The following ARB2A variants were observed in gnomAD, a reference collection of about 807,000 sequenced individuals.
The protein encoded by ARB2A is cotranscriptional regulator ARB2A.
the ARB2A span, among the ~76,000 whole-genome samples, chr5:94,019,184 G>A: frequency 6.6e-6 from 1 of 152,158 alleles, no homozygotes; most frequent in African/African-American, 2.4e-5. Flanking sequence ...AGATTTAAAT[G>A]TAAGACCTAA....
At chr5:93,821,988 C>G in the ARB2A span, among the ~76,000 whole-genome samples, 1 of 151,810 alleles carries the variant, frequency 6.6e-6, no homozygotes, top group East Asian at 1.9e-4. Context: ...AAATAGACTT[C>G]TCAGCCCTGG....
the ARB2A span, among the ~76,000 whole-genome samples, chr5:93,998,896 A>G: frequency 6.6e-6 from 1 of 152,042 alleles, no homozygotes; most frequent in Non-Finnish European, 1.5e-5. Flanking sequence ...TGATCCAAGA[A>G]AAGAAAAAGA....
At chr5:93,894,581 A>T in the ARB2A span, among the ~76,000 whole-genome samples, 1 of 152,144 alleles carries the variant, frequency 6.6e-6, no homozygotes, top group African/African-American at 2.4e-5. Flanking sequence ...TCTATCCTTG[A>T]TCTCAGCAAA....
At chr5:93,621,230 C>A in the ARB2A span, 1 of 930,778 alleles carries the variant, frequency 1.1e-6, no homozygotes, top group African/African-American at 1.8e-5. Context: ...ACCACCCGGT[C>A]CCGCCCCTCC....
At chr5:93,841,470 G>C in the ARB2A span, among the ~76,000 whole-genome samples, 2 of 152,136 alleles carry the variant, frequency 1.3e-5, no homozygotes, top group African/African-American at 4.8e-5. Context: ...TTTTATATAA[G>C]TGACTTGAGC....
At chr5:93,658,123 A>G in the ARB2A span, among the ~76,000 whole-genome samples, 1 of 152,124 alleles carries the variant, frequency 6.6e-6, no homozygotes, top group Admixed American at 6.6e-5. Context: ...TACCAACTGT[A>G]CTATCAGCTT....
At chr5:93,714,607 C>T in the ARB2A span, among the ~76,000 whole-genome samples, 1 of 152,146 alleles carries the variant, frequency 6.6e-6, no homozygotes, top group Admixed American at 6.6e-5. Context: ...TAAGTTAATT[C>T]CACACAGGGT....
At chr5:93,999,603 T>TCC in the ARB2A span, among the ~76,000 whole-genome samples, 1 of 151,904 alleles carries the variant, frequency 6.6e-6, no homozygotes, top group African/African-American at 2.4e-5. Flanking sequence ...ATGAACAGCC[T>TCC]CCCTCATTAT....
the ARB2A span, among the ~76,000 whole-genome samples, chr5:93,853,903 A>C: frequency 6.6e-6 from 1 of 152,166 alleles, no homozygotes; most frequent in Non-Finnish European, 1.5e-5. Context: ...CATCAAGGAT[A>C]TTGGTCTAAA....
At chr5:93,698,359 C>T in the ARB2A span, among the ~76,000 whole-genome samples, 1 of 152,078 alleles carries the variant, frequency 6.6e-6, no homozygotes, top group Admixed American at 6.5e-5. Flanking sequence ...AGCTTACATT[C>T]TAGTGAGGAG....
chr5:93,816,566 A>G, the ARB2A span, among the ~76,000 whole-genome samples: 1 of 152,170 alleles, frequency 6.6e-6, no homozygotes, highest in African/African-American at 2.4e-5. Flanking sequence ...GCTACAAACA[A>G]TGCAGGGAAG....
the ARB2A span, among the ~76,000 whole-genome samples, chr5:93,722,588 C>T: frequency 2.0e-5 from 3 of 152,144 alleles, no homozygotes; most frequent in Admixed American, 1.3e-4. Context: ...AACAACATTA[C>T]ATATATTACT....
chr5:94,012,440 T>G, the ARB2A span, among the ~76,000 whole-genome samples: 1 of 152,210 alleles, frequency 6.6e-6, no homozygotes, highest in East Asian at 1.9e-4. Flanking sequence ...AAGGATAAAA[T>G]TAGCGATTGT....
chr5:94,054,368 C>A, the ARB2A span, among the ~76,000 whole-genome samples: 1 of 152,112 alleles, frequency 6.6e-6, no homozygotes, highest in African/African-American at 2.4e-5. Flanking sequence ...ATCTTCCCTT[C>A]TTTTCCATGA....
the ARB2A span, among the ~76,000 whole-genome samples, chr5:93,875,026 G>A: frequency 6.6e-6 from 1 of 152,086 alleles, no homozygotes; most frequent in African/African-American, 2.4e-5. Context: ...TATCAGGTTT[G>A]AGTTTTGCTA....
chr5:93,962,489 T>C, the ARB2A span, among the ~76,000 whole-genome samples: 1 of 152,126 alleles, frequency 6.6e-6, no homozygotes, highest in Admixed American at 6.6e-5. Flanking sequence ...AAAATGGTTC[T>C]TTTTCCCTTT....
the ARB2A span, among the ~76,000 whole-genome samples, chr5:94,093,792 G>T: frequency 6.6e-6 from 1 of 152,092 alleles, no homozygotes; most frequent in Non-Finnish European, 1.5e-5. Context: ...TAAGAACGAG[G>T]TATGATTCAC....
At chr5:93,865,797 T>A in the ARB2A span, 287 of 985,318 alleles carry the variant, frequency 2.9e-4, no homozygotes, top group Middle Eastern at 5.2e-4. Flanking sequence ...TAAATCAACA[T>A]TTATGGAGGA....
chr5:93,753,537 CCTT>C, the ARB2A span, among the ~76,000 whole-genome samples: 2 of 152,284 alleles, frequency 1.3e-5, no homozygotes, highest in East Asian at 3.9e-4. Context: ...TCAATGGTCC[CCTT>C]CTTTACTTCC....
Sources: allele counts gnomAD v4.1 joint callset (sites outside exome capture counted in the v4.1 genomes callset), GRCh38; gene constraint gnomAD v4.1.1; transcripts MANE v1.5; gene names NCBI Gene and HGNC (gene_info 2026-07-23, HGNC 2026-07-21).